The following ANKLE2 variants were observed in gnomAD, a reference collection of about 807,000 sequenced individuals.
ANKLE2 encodes the protein ankyrin repeat and LEM domain-containing protein 2.
Under a neutral mutation model 84.2 loss-of-function variants are expected in ANKLE2, and 55 were observed. That is an observed-to-expected ratio of 0.65 (90% CI 0.53 to 0.82). The LOEUF (loss-of-function observed/expected upper bound fraction) is 0.82, where lower values mean the gene tolerates loss of function less well. Ranked by LOEUF, ANKLE2 falls within the 40% of genes least tolerant of loss-of-function variation. The probability of loss-of-function intolerance (pLI) is 0.00; values close to 1 mark genes in which losing one functional copy is unlikely to be tolerated. For synonymous variants in ANKLE2, 551 were observed against 486.1 expected (o/e 1.13, Z -1.76); for missense variants, 1,238 against 1,201.9 (o/e 1.03, Z -0.44).
chr12:132,759,827 T>G (rs2044584736), intron 1 of ANKLE2: 1 of 151,578 alleles, frequency 6.6e-6, no homozygotes, highest in African/African-American at 2.4e-5. Flanking sequence ...TGAAAACAGG[T>G]TAAGCCCACA....
At chr12:132,749,976 T>G (rs2044321775) in intron 3 of ANKLE2, among the ~76,000 whole-genome samples, 1 of 152,040 alleles carries the variant, frequency 6.6e-6, no homozygotes, top group East Asian at 1.9e-4. Context: ...CAACCAGCCT[T>G]GGCAACATGG....
chr12:132,732,630 C>CGT (rs2043895215), intron 10 of ANKLE2, among the ~76,000 whole-genome samples: 4 of 66,080 alleles, frequency 6.1e-5, no homozygotes, highest in Admixed American at 3.3e-4. Context: ...GTGTCTGATA[C>CGT]GCACCGTGAA....
chr12:132,740,812 G>T (rs994636932), intron 7 of ANKLE2, among the ~76,000 whole-genome samples: 1 of 89,176 alleles, frequency 1.1e-5, no homozygotes, highest in African/African-American at 2.9e-5. Flanking sequence ...GGCCCAGAAA[G>T]CAAAGGCCTC....
chr12:132,731,895 A>C (rs1389500287), intron 10 of ANKLE2: 1 of 152,430 alleles, frequency 6.6e-6, no homozygotes, highest in African/African-American at 2.4e-5. Flanking sequence ...GTGGTGTCTG[A>C]TATGCACCGT....
At chr12:132,742,793 C>T (rs1266567641) in intron 6 of ANKLE2, among the ~76,000 whole-genome samples, 1 of 376 alleles carries the variant, frequency 2.7e-3, no homozygotes, top group Non-Finnish European at 6.1e-3. Flanking sequence ...CCACCATCAT[C>T]ACCATCACCA....
intron 6 of ANKLE2, chr12:132,741,919 A>G: frequency 2.3e-6 from 1 of 442,126 alleles, no homozygotes; most frequent in South Asian, 1.6e-5. Context: ...TCAAAGTTCT[A>G]TTTTTGCCAC....
intron 1 of ANKLE2, chr12:132,757,137 C>T (rs1310736008): frequency 1.3e-5 from 2 of 152,188 alleles, no homozygotes; most frequent in Admixed American, 1.3e-4. Flanking sequence ...AAGGACTGTG[C>T]ACCATTACCG....
intron 3 of ANKLE2, chr12:132,748,972 A>G (rs1307747312): frequency 6.6e-6 from 1 of 151,250 alleles, no homozygotes; most frequent in Non-Finnish European, 1.5e-5. Flanking sequence ...AGCCCCCAAA[A>G]GTGTTGTAAT....
At chr12:132,752,981 G>T (rs1351514114) in intron 2 of ANKLE2, among the ~76,000 whole-genome samples, 2 of 146,376 alleles carry the variant, frequency 1.4e-5, no homozygotes, top group African/African-American at 5.0e-5. Flanking sequence ...AATAAAGCGA[G>T]ACCCAGTCTC....
rs142161313 is a variant in ANKLE2 at position 132,732,932 on chromosome 12, T to C, written c.1891+1453A>G. On this transcript the variant is annotated intron_variant, in intron 10 of 12. Coordinates refer to ENST00000357997, the MANE Select transcript of ANKLE2 (RefSeq NM_015114.3). ...GCGCTCTGCATCCTGGTGTCTGATATGCACCGTGTGAAGCTCTCTGCGTCC... is the reference window on the plus strand; with the variant it reads ...GCGCTCTGCATCCTGGTGTCTGATACGCACCGTGTGAAGCTCTCTGCGTCC... 4.3e-3 allele frequency among the ~76,000 whole-genome samples: 537 copies of C among 124,988 alleles called. 2 individuals are homozygous for C. Among genetic ancestry groups the C allele is most frequent in the Non-Finnish European group, 6.9e-3 (387 of 56,364 alleles). The allele number at this position is 124,988 out of a possible 152,430, so 82.0% of individuals were successfully genotyped here.
chr12:132,726,187 A>C lies in ANKLE2; in HGVS notation c.*1055T>G, dbSNP rs975079249. 11 of 153,514 alleles carry C rather than the reference A, an allele frequency of 7.2e-5. No individual in the cohort carries two copies. The highest frequency in any genetic ancestry group is 2.6e-4 in the African/African-American group (11 of 41,606). The allele number at this position is 153,514 out of a possible 1,614,324, so 9.5% of individuals were successfully genotyped here. A position where few individuals can be genotyped will look rare whatever the true frequency, so the allele number is the denominator to read the frequency against. ...GTGTGAGCAGTTGCCCGTAACACCC[A>C]GGAAGAAACCGACCTCCAGGCAGCA... On this transcript the variant is annotated 3_prime_UTR_variant, in exon 13 of 13. Transcript: ENST00000357997.
Position 132,730,150 on chromosome 12 carries a change from T to G in ANKLE2, c.2012A>C (p.His671Pro). The G allele has an allele frequency of 6.2e-7, 1 of 1,612,050 alleles. No homozygotes were observed. The highest frequency in any genetic ancestry group is 8.5e-7 in the Non-Finnish European group (1 of 1,179,372). ...NSPPTVGAFG[H>P]TRCSAFPLEQ... ...CAAGGGGAAGGCGCTGCACCTCGTA[T>G]GTCCAAAAGCACCGACTGTGGGCGG... The change falls in exon 11 of 13, where the codon CAT becomes CCT. Residue 671 changes from histidine (H) to proline (P), a missense_variant. His to Pro is a moderately conservative substitution (Grantham distance 77, BLOSUM62 -2). Coordinates refer to ENST00000357997, the MANE Select transcript of ANKLE2 (RefSeq NM_015114.3).
intron 5 of ANKLE2, among the ~76,000 whole-genome samples, chr12:132,744,754 T>C (rs1254030316): frequency 1.2e-4 from 18 of 152,038 alleles, no homozygotes; most frequent in Admixed American, 7.2e-4. Flanking sequence ...GATATGGGCT[T>C]ACTGCAAGCT....
intron 1 of ANKLE2, chr12:132,757,879 G>A (rs2044519413): frequency 6.6e-6 from 1 of 151,974 alleles, no homozygotes; most frequent in Non-Finnish European, 1.5e-5. Flanking sequence ...AACTACTTGG[G>A]GGGCTGAGGA....
chr12:132,742,092 C>T, intron 6 of ANKLE2: 1 of 287,032 alleles, frequency 3.5e-6, no homozygotes, highest in East Asian at 9.9e-5. Context: ...TGAGTCTGTA[C>T]CTGATTGTGA....
At chr12:132,744,004 G>T (rs976267746) in intron 5 of ANKLE2, among the ~76,000 whole-genome samples, 1 of 152,154 alleles carries the variant, frequency 6.6e-6, no homozygotes, top group Non-Finnish European at 1.5e-5. Flanking sequence ...CACTGCTGAC[G>T]ATGCTGCATC....
chr12:132,737,209 G>C, intron 7 of ANKLE2, 144 bp from the exon 8 acceptor site: 1 of 749,120 alleles, frequency 1.3e-6, no homozygotes, highest in Non-Finnish European at 2.1e-6. Flanking sequence ...GTTTCCGCCA[G>C]AGCTCACTGC....
At chr12:132,753,380 T>C (rs969491089) in intron 2 of ANKLE2, among the ~76,000 whole-genome samples, 5 of 151,330 alleles carry the variant, frequency 3.3e-5, no homozygotes, top group African/African-American at 1.2e-4. Context: ...GTGCCTGTAA[T>C]CTTAGCACTT....
Position 132,754,664 on chromosome 12 carries a change from G to A in ANKLE2, c.640+11C>T, listed in dbSNP as rs556116362. 9 of 1,585,818 alleles carry A rather than the reference G, an allele frequency of 5.7e-6. No individual in the cohort carries two copies. Among genetic ancestry groups the A allele is most frequent in the Admixed American group, 5.3e-5 (3 of 56,470 alleles). The stretch of plus-strand genomic sequence containing the variant: ...ATCTGTGTGAGGAAATCCTACACAC[G>A]GTCCCATTACCATTTCTCGCTGGGA... On this transcript the variant is annotated intron_variant, in intron 2 of 12. Transcript: ENST00000357997.
Sources: gnomAD v4.1 joint callset for allele counts (sites outside exome capture counted in the v4.1 genomes callset) on GRCh38, gnomAD v4.1.1 for gene constraint, MANE v1.5 for transcripts, NCBI Gene and HGNC (gene_info 2026-07-23, HGNC 2026-07-21) for gene names.